DKK3: variants seen among roughly 807,000 people sequenced by gnomAD.
The protein encoded by DKK3 is dickkopf Wnt signaling pathway inhibitor 3.
Under a neutral mutation model 33.2 loss-of-function variants are expected in DKK3, and 22 were observed. That is an observed-to-expected ratio of 0.66 (90% CI 0.47 to 0.95). The LOEUF (loss-of-function observed/expected upper bound fraction) is 0.95, where lower values mean the gene tolerates loss of function less well. Among genes scored for constraint, DKK3 ranks in the 40% least tolerant of loss-of-function variants. The pLI is 0.00. For synonymous variants in DKK3, 194 were observed against 188.8 expected (o/e 1.03, Z -0.23); for missense variants, 398 against 458.4 (o/e 0.87, Z 1.20).
chr11:11,966,838 C>T (rs1008727288), intron 5 of DKK3, 116 bp downstream of exon 5: 53 of 1,422,478 alleles, frequency 3.7e-5, no homozygotes, highest in Non-Finnish European at 5.1e-5. Flanking sequence ...CATTTGGGAG[C>T]CTATCCAAGA....
At chr11:11,980,020 G>C (rs900789787) in intron 3 of DKK3, 2 of 152,314 alleles carry the variant, frequency 1.3e-5, no homozygotes, top group African/African-American at 4.8e-5. Flanking sequence ...GTGACCCGGG[G>C]AGAGGGAGGC....
intron 3 of DKK3, among the ~76,000 whole-genome samples, chr11:11,976,855 CA>C (rs1261566233): frequency 2.0e-5 from 3 of 152,210 alleles, no homozygotes; most frequent in African/African-American, 2.4e-5. Flanking sequence ...AAAACCAGGC[CA>C]GTCGCAGGAG....
chr11:11,996,456 C>A (rs1022871982), intron 3 of DKK3, among the ~76,000 whole-genome samples: 1 of 152,148 alleles, frequency 6.6e-6, no homozygotes, highest in African/African-American at 2.4e-5. Flanking sequence ...CAAGCCACTG[C>A]GACAATGAGT....
chr11:12,002,680 G>A (rs765714505), intron 1 of DKK3, among the ~76,000 whole-genome samples: 14 of 152,212 alleles, frequency 9.2e-5, no homozygotes, highest in Non-Finnish European at 1.6e-4. Flanking sequence ...TACAAATAGG[G>A]AAACTGAGGC....
chr11:11,982,152 C>T (rs1303160531), intron 3 of DKK3, among the ~76,000 whole-genome samples: 1 of 152,124 alleles, frequency 6.6e-6, no homozygotes, highest in African/African-American at 2.4e-5. Context: ...CTGGGGAGTG[C>T]TGTGGGCGCT....
At chr11:12,006,558 C>G (rs1213994517) in intron 1 of DKK3, among the ~76,000 whole-genome samples, 1 of 151,946 alleles carries the variant, frequency 6.6e-6, no homozygotes, top group Non-Finnish European at 1.5e-5. Flanking sequence ...GTAGAAGTGA[C>G]AGCCCACATC....
intron 3 of DKK3, among the ~76,000 whole-genome samples, chr11:11,968,929 G>C (rs1208567228): frequency 6.6e-6 from 1 of 152,234 alleles, no homozygotes; most frequent in Admixed American, 6.5e-5. Context: ...AGCAGAGGGG[G>C]CATCGCTAGG....
Position 11,964,640 on chromosome 11 carries a change from CACGGCTCCCCACG to C in DKK3, c.864_876del (p.Phe288LeufsTer37). 6 of 1,614,134 alleles carry C rather than the reference CACGGCTCCCCACG, an allele frequency of 3.7e-6. No homozygotes were observed. The highest frequency in any genetic ancestry group is 5.1e-6 in the Non-Finnish European group (6 of 1,180,032). On this transcript the variant is annotated frameshift_variant, in exon 7 of 7. Coordinates refer to ENST00000683431, the MANE Select transcript of DKK3 (RefSeq NM_001018057.2). LOFTEE classifies it low-confidence loss of function (END_TRUNC). ...GGCAGCAGGATCTCCCCATCTTGGT[CACGGCTCCCCACG>C]AAGGTCGGCTTGCACACATACACCA...
At chr11:12,007,861 C>G (rs561780322) in intron 1 of DKK3, among the ~76,000 whole-genome samples, 1 of 152,318 alleles carries the variant, frequency 6.6e-6, no homozygotes, top group Non-Finnish European at 1.5e-5. Flanking sequence ...TCTCTGCCCC[C>G]ACATTGCGTG....
chr11:11,964,826 C>T (rs1847547584), intron 6 of DKK3, 140 bp from the exon 7 acceptor site: 1 of 1,455,008 alleles, frequency 6.9e-7, no homozygotes, highest in Admixed American at 2.3e-5. Flanking sequence ...AGACACTTCA[C>T]TTCCCGTCAA....
chr11:11,972,303 G>C (rs1234577104), intron 3 of DKK3, among the ~76,000 whole-genome samples: 1 of 152,162 alleles, frequency 6.6e-6, no homozygotes, highest in African/African-American at 2.4e-5. Context: ...CTGCCAGGGG[G>C]CCAGTCTGTG....
rs1847546939 is a variant in DKK3 at position 11,964,798 on chromosome 11, C to T, written c.831-112G>A. 2.6e-6 allele frequency: 4 copies of T among 1,513,862 alleles called. No individual in the cohort carries two copies. The Admixed American group carries it at 8.1e-5, about 31-fold the overall frequency. The allele number at this position is 1,513,862 out of a possible 1,614,324, so 93.8% of individuals were successfully genotyped here. A position where few individuals can be genotyped will look rare whatever the true frequency, so the allele number is the denominator to read the frequency against. ...CAGCCTCACCTTCATGCCCCCTCCT[C>T]TCCTGTCTCTTCAACAGAGACACTT... On this transcript the variant is annotated intron_variant, in intron 6 of 6. Transcript: ENST00000683431.
intron 3 of DKK3, among the ~76,000 whole-genome samples, chr11:11,975,773 T>C (rs1041874499): frequency 2.0e-5 from 3 of 152,156 alleles, no homozygotes; most frequent in African/African-American, 7.2e-5. Context: ...CACTCCCCTC[T>C]ACAGGCTCTG....
intron 3 of DKK3, among the ~76,000 whole-genome samples, chr11:11,996,233 A>G (rs2135090398): frequency 6.6e-6 from 1 of 152,290 alleles, no homozygotes; most frequent in South Asian, 2.1e-4. Context: ...AAATTGCAAA[A>G]TGATAGAATG....
intron 2 of DKK3, chr11:12,001,778 A>G (rs1299968887): frequency 6.6e-6 from 1 of 152,372 alleles, no homozygotes; most frequent in African/African-American, 2.4e-5. Flanking sequence ...AAAATCTGCC[A>G]GAGAATTTTG....
At chr11:11,966,428 AGCTGCTGCAGGTCC>A in intron 5 of DKK3, among the ~76,000 whole-genome samples, 1 of 152,262 alleles carries the variant, frequency 6.6e-6, no homozygotes, top group East Asian at 1.9e-4. Flanking sequence ...AGACAACAGG[AGCTGCTGCAGGTCC>A]CAGGGGAGCA....
intron 3 of DKK3, among the ~76,000 whole-genome samples, chr11:11,982,627 T>A (rs1046145573): frequency 6.6e-6 from 1 of 152,048 alleles, no homozygotes; most frequent in South Asian, 2.1e-4. Flanking sequence ...CCGTGGAGGG[T>A]AGCAGCGCCC....
At chr11:12,009,712 C>G, upstream of DKK3, 2 of 985,768 alleles carry the variant, frequency 2.0e-6, no homozygotes, top group Non-Finnish European at 2.4e-6. Context: ...GGCATTCAAG[C>G]CATCACCGCT....
At chr11:12,002,967 T>C (rs1848460554) in intron 1 of DKK3, among the ~76,000 whole-genome samples, 1 of 152,208 alleles carries the variant, frequency 6.6e-6, no homozygotes, top group Non-Finnish European at 1.5e-5. Context: ...AAAGTCAGGC[T>C]ATGGAGGTAA....
Sources: gnomAD v4.1 joint callset for allele counts (sites outside exome capture counted in the v4.1 genomes callset) on GRCh38, gnomAD v4.1.1 for gene constraint, MANE v1.5 for transcripts, NCBI Gene and HGNC (gene_info 2026-07-23, HGNC 2026-07-21) for gene names.